The following SND1 variants were observed in gnomAD, a reference collection of about 807,000 sequenced individuals.
SND1 encodes the protein staphylococcal nuclease domain-containing protein 1.
A neutral mutation model predicts 121.7 loss-of-function variants in SND1; 38 were observed. The ratio of observed to expected loss-of-function variants is 0.31; its 90% CI spans 0.24 to 0.41. The LOEUF (loss-of-function observed/expected upper bound fraction) is 0.41. Ranked by LOEUF, SND1 falls within the 10% of genes least tolerant of loss-of-function variation. The pLI, the probability that SND1 is intolerant of heterozygous loss-of-function variation, is 1.00. For synonymous variants in SND1, 401 were observed against 447.4 expected, an observed-to-expected ratio of 0.90 and a Z score of 1.31; for missense variants, 868 against 1,184.6, an observed-to-expected ratio of 0.73 and a Z score of 3.92.
chr7:127,756,000 AAG>A (rs1402742871), intron 10 of SND1, among the ~76,000 whole-genome samples: 3 of 152,266 alleles, frequency 2.0e-5, no homozygotes, highest in South Asian at 2.1e-4. Flanking sequence ...GTTTTCAAAA[AAG>A]AAAATTCATT....
At chr7:128,038,379 T>C (rs1357861838) in intron 16 of SND1, among the ~76,000 whole-genome samples, 1 of 152,232 alleles carries the variant, frequency 6.6e-6, no homozygotes, top group African/African-American at 2.4e-5. Flanking sequence ...CGCGTATATA[T>C]AGGTTAGTTG....
intron 1 of SND1, among the ~76,000 whole-genome samples, chr7:127,666,941 G>T (rs1165015946): frequency 2.0e-5 from 3 of 152,158 alleles, no homozygotes; most frequent in African/African-American, 7.2e-5. Context: ...TTTTAATAAT[G>T]AGGAGAATCC....
chr7:128,028,400 C>T, intron 16 of SND1: 1 of 328,522 alleles, frequency 3.0e-6, no homozygotes. Context: ...AACCTTATAC[C>T]AGAAATCCCT....
intron 16 of SND1, among the ~76,000 whole-genome samples, chr7:128,041,161 G>A (rs1471998973): frequency 2.0e-5 from 3 of 152,182 alleles, no homozygotes; most frequent in Non-Finnish European, 4.4e-5. Flanking sequence ...GGGCCCCGGT[G>A]CAGGGGCTCC....
chr7:127,792,046 T>C (rs903813247), intron 10 of SND1, among the ~76,000 whole-genome samples: 14 of 152,244 alleles, frequency 9.2e-5, no homozygotes, highest in Non-Finnish European at 2.9e-5. Context: ...TGTTCTCTTA[T>C]TGTGTAATTT....
At chr7:127,705,101 G>A (rs1796165816) in intron 8 of SND1, among the ~76,000 whole-genome samples, 156 bp downstream of exon 8, 1 of 152,082 alleles carries the variant, frequency 6.6e-6, no homozygotes, top group Non-Finnish European at 1.5e-5. Flanking sequence ...CTTAAATATT[G>A]GTCTTCAGGT....
chr7:128,027,396 C>G (rs1476923615), intron 16 of SND1: 1 of 152,578 alleles, frequency 6.6e-6, no homozygotes, highest in Non-Finnish European at 1.5e-5. Flanking sequence ...ATGCGTGTCA[C>G]TTGTAACTGT....
At chr7:127,793,160 AGGGGAC>A (rs1797945180) in intron 10 of SND1, among the ~76,000 whole-genome samples, 1 of 152,184 alleles carries the variant, frequency 6.6e-6, no homozygotes, top group Non-Finnish European at 1.5e-5. Context: ...TTTCAGGTCT[AGGGGAC>A]ATTGTGTGTG....
intron 16 of SND1, among the ~76,000 whole-genome samples, chr7:127,996,694 T>G (rs1802666327): frequency 6.6e-6 from 1 of 152,174 alleles, no homozygotes; most frequent in African/African-American, 2.4e-5. Flanking sequence ...CCACAAATAA[T>G]TACCTGCTGG....
At chr7:127,686,142 G>A (rs1194280001) in intron 1 of SND1, 3 of 153,132 alleles carry the variant, frequency 2.0e-5, no homozygotes, top group Non-Finnish European at 4.4e-5. Context: ...CACCCGCCTT[G>A]GCCTCCCAAA....
intron 12 of SND1, among the ~76,000 whole-genome samples, chr7:127,863,630 T>C (rs1192729385): frequency 1.3e-5 from 2 of 152,200 alleles, no homozygotes. Context: ...ACAGTAATTA[T>C]TCCTGTGAGT....
chr7:127,808,163 CTTT>C (rs11418632), intron 11 of SND1, among the ~76,000 whole-genome samples: 5 of 125,576 alleles, frequency 4.0e-5, no homozygotes, highest in Non-Finnish European at 3.3e-5. Flanking sequence ...TTGATGGCTT[CTTT>C]TTTTTTTTTT....
intron 16 of SND1, among the ~76,000 whole-genome samples, chr7:128,020,280 C>G (rs1803316526): frequency 6.6e-6 from 1 of 152,210 alleles, no homozygotes. Flanking sequence ...GCCTTCCCCC[C>G]TCCCAAAAGG....
intron 11 of SND1, among the ~76,000 whole-genome samples, chr7:127,808,688 T>C (rs564173646): frequency 2.9e-4 from 44 of 152,346 alleles, no homozygotes; most frequent in Admixed American, 2.5e-3. Context: ...CTTCAGAGAA[T>C]AGGTTCATCT....
intron 10 of SND1, among the ~76,000 whole-genome samples, chr7:127,804,265 G>A (rs751225549): frequency 6.6e-6 from 1 of 152,168 alleles, no homozygotes; most frequent in Non-Finnish European, 1.5e-5. Flanking sequence ...CTAGCTCTGA[G>A]GGGTTAGAGT....
chr7:127,812,631 G>T (rs750221296), intron 11 of SND1, among the ~76,000 whole-genome samples: 1 of 152,174 alleles, frequency 6.6e-6, no homozygotes, highest in African/African-American at 2.4e-5. Context: ...GTAGGTGCTT[G>T]TTCCACTGTA....
At chr7:127,694,665 G>A (rs971249208) in intron 2 of SND1, 163 bp from the exon 3 acceptor site, 9 of 770,912 alleles carry the variant, frequency 1.2e-5, no homozygotes, top group African/African-American at 5.2e-5. Context: ...CTAAGTGTGC[G>A]ATCTGCATTG....
At chr7:128,023,174 C>T (rs1036245324) in intron 16 of SND1, among the ~76,000 whole-genome samples, 1 of 152,110 alleles carries the variant, frequency 6.6e-6, no homozygotes, top group Non-Finnish European at 1.5e-5. Context: ...GAGCTCCATT[C>T]TTCTCTCATT....
intron 2 of SND1, among the ~76,000 whole-genome samples, chr7:127,689,110 G>A (rs1213809632): frequency 6.6e-6 from 1 of 152,162 alleles, no homozygotes; most frequent in East Asian, 1.9e-4. Context: ...GAGAATATTA[G>A]CATATACCTC....
Sources: allele counts gnomAD v4.1 joint callset (sites outside exome capture counted in the v4.1 genomes callset), GRCh38; gene constraint gnomAD v4.1.1; transcripts MANE v1.5; gene names NCBI Gene and HGNC (gene_info 2026-07-23, HGNC 2026-07-21).